Variants in CHST10 observed in about 807,000 individuals in gnomAD.
CHST10 encodes the protein carbohydrate sulfotransferase 10, also known as HNK-1 sulfotransferase.
In CHST10, 24 loss-of-function variants were observed where a neutral mutation model predicts 34.7. The observed-to-expected ratio is 0.69, with a 90% CI of 0.50 to 0.97. CHST10 has a LOEUF of 0.97. Ranked by LOEUF, CHST10 falls within the 50% of genes least tolerant of loss-of-function variation. The pLI is 0.00. For synonymous variants in CHST10, 161 were observed against 169.3 expected (o/e 0.95, Z 0.38); for missense variants, 402 against 452.1 (o/e 0.89, Z 1.00).
Position 100,393,479 on chromosome 2 carries a change from C to T in CHST10, c.837G>A (p.Val279=), listed in dbSNP as rs1339488575. The T allele has an allele frequency of 6.2e-7, 1 of 1,614,134 alleles. No individual in the cohort carries two copies. The change falls in exon 7 of 7, where the codon GTG becomes GTA. Residue 279 remains valine, a synonymous_variant. Coordinates refer to ENST00000264249, the MANE Select transcript of CHST10 (RefSeq NM_004854.5). ...CCTCCAGGGTCTCGTGGTGTCCAAT[C>T]ACACTGTACATTATCTCACAGGGAG... The part of the protein sequence containing the change: ...LCAPCEIMYS[V]IGHHETLEDD...
chr2:100,406,207 TCATGATGA>T (rs1227077828), intron 3 of CHST10, among the ~76,000 whole-genome samples: 3 of 152,142 alleles, frequency 2.0e-5, no homozygotes, highest in African/African-American at 7.2e-5. Flanking sequence ...GCTGCACCTC[TCATGATGA>T]CATGAGGCAA....
At chr2:100,395,357 G>T in intron 6 of CHST10, 152 bp downstream of exon 6, 1 of 592,672 alleles carries the variant, frequency 1.7e-6, no homozygotes, top group Non-Finnish European at 3.0e-6. Flanking sequence ...AATGGGGGGT[G>T]TAGCTTAGCT....
intron 4 of CHST10, among the ~76,000 whole-genome samples, chr2:100,399,909 T>C (rs1372168859): frequency 6.6e-6 from 1 of 152,204 alleles, no homozygotes; most frequent in Non-Finnish European, 1.5e-5. Context: ...CATCAGCGGC[T>C]GCCCGGGCCC....
Position 100,398,146 on chromosome 2 carries a change from C to G in CHST10, c.193-4G>C, listed in dbSNP as rs1479368744. On this transcript the variant is annotated splice_region_variant and splice_polypyrimidine_tract_variant and intron_variant, in intron 4 of 6. Coordinates refer to ENST00000264249, the MANE Select transcript of CHST10 (RefSeq NM_004854.5). ...CTGGAAGCTCCTTCCCAGTTGGCTGCAGGTGACACAGAGCAGAAGAGGCCC... is the reference window on the plus strand; with the variant it reads ...CTGGAAGCTCCTTCCCAGTTGGCTGGAGGTGACACAGAGCAGAAGAGGCCC... 1 of 1,606,790 alleles carries G rather than the reference C, an allele frequency of 6.2e-7. No individual in the cohort carries two copies. The highest frequency in any genetic ancestry group is 8.5e-7 in the Non-Finnish European group (1 of 1,176,318).
Position 100,397,865 on chromosome 2 carries a change from A to G in CHST10, c.427+43T>C. 2.0e-6 allele frequency: 3 copies of G among 1,530,242 alleles called. 1 individual carries two copies. The highest frequency in any genetic ancestry group is 2.7e-6 in the Non-Finnish European group (3 of 1,117,170). The allele number at this position is 1,530,242 out of a possible 1,614,324, so 94.8% of individuals were successfully genotyped here. A position where few individuals can be genotyped will look rare whatever the true frequency, so the allele number is the denominator to read the frequency against. ...CTCCCCAGCCTCCTCAGCACCGGCC[A>G]CCAAGACCCTTCCCAGTGGACATTC... On this transcript the variant is annotated intron_variant, in intron 5 of 6. Transcript: ENST00000264249.
chr2:100,393,733 G>C lies in CHST10; in HGVS notation c.583C>G (p.Leu195Val). 1 of 1,613,198 alleles carries C rather than the reference G, an allele frequency of 6.2e-7. No homozygotes were observed. Among genetic ancestry groups the C allele is most frequent in the East Asian group, 2.2e-5 (1 of 44,890 alleles). ...FFIVRDPFERLISAFKDKFVH... is the reference protein window; with the variant it reads ...FFIVRDPFERVISAFKDKFVH... ...AATTTATCCTTAAATGCAGAAATAAGTCTTTCGAAGGGATCTCTTACAATA... is the reference window on the plus strand; with the variant it reads ...AATTTATCCTTAAATGCAGAAATAACTCTTTCGAAGGGATCTCTTACAATA... Residue 195 changes from leucine to valine, a missense_variant, in exon 7 of 7, where the codon CTT (leucine) becomes GTT (valine). Leu to Val is a conservative substitution (Grantham distance 32). Transcript: ENST00000264249.
In CHST10 at chr2:100,393,572, G is replaced by A. The variant is rs370225437; in HGVS notation, c.744C>T (p.Asn248=). 5.0e-6 allele frequency: 8 copies of A among 1,614,128 alleles called. No homozygotes were observed. Among genetic ancestry groups the A allele is most frequent in the Non-Finnish European group, 6.8e-6 (8 of 1,180,020 alleles). The part of the protein sequence containing the change: ...EDFVRYLGDP[N]HRWLDLQFGD... ...CAAACTGAAGGTCTAGCCATCTGTG[G>A]TTCGGATCGCCGAGGTAGCGCACGA... Residue 248 remains asparagine, a synonymous_variant, in exon 7 of 7, where the codon AAC becomes AAT. Coordinates refer to ENST00000264249, the MANE Select transcript of CHST10 (RefSeq NM_004854.5).
At chr2:100,414,362 T>TCACA (rs370903480) in intron 2 of CHST10, among the ~76,000 whole-genome samples, 5,344 of 150,318 alleles carry the variant, frequency 0.036, 320 homozygotes, top group African/African-American at 0.12. Flanking sequence ...AAAGGAAACT[T>TCACA]CACACACACA....
chr2:100,395,498 G>T lies in CHST10; in HGVS notation c.533+11C>A, dbSNP rs765799376. 6.2e-7 allele frequency: 1 copy of T among 1,609,036 alleles called. No homozygotes were observed. Among genetic ancestry groups the T allele is most frequent in the Non-Finnish European group, 8.5e-7 (1 of 1,175,840 alleles). ...AAACTCCCCCCTCCCCTTTGAGGAA[G>T]CTGTTCTCACCGCTTCTGAATTTCT... On this transcript the variant is annotated intron_variant, in intron 6 of 6. Coordinates refer to ENST00000264249, the MANE Select transcript of CHST10 (RefSeq NM_004854.5).
At chr2:100,400,137 T>C (rs1675270265) in intron 4 of CHST10, among the ~76,000 whole-genome samples, 1 of 152,090 alleles carries the variant, frequency 6.6e-6, no homozygotes, top group South Asian at 2.1e-4. Context: ...CCCAACAAGT[T>C]CCCTTTAGAA....
At chr2:100,405,787 T>C (rs1675544549) in intron 3 of CHST10, among the ~76,000 whole-genome samples, 1 of 152,180 alleles carries the variant, frequency 6.6e-6, no homozygotes, top group Non-Finnish European at 1.5e-5. Flanking sequence ...AATGACTCCA[T>C]GTGTCTGGCT....
intron 2 of CHST10, among the ~76,000 whole-genome samples, chr2:100,411,287 T>A (rs533438661): frequency 1.6e-4 from 24 of 152,182 alleles, no homozygotes; most frequent in African/African-American, 5.1e-4. Context: ...AATTTTTATA[T>A]TTTTAGTAGA....
chr2:100,393,504 G>T lies in CHST10; in HGVS notation c.812C>A (p.Ala271Asp). 6.2e-7 allele frequency: 1 copy of T among 1,614,084 alleles called. No individual in the cohort carries two copies. The highest frequency in any genetic ancestry group is 8.5e-7 in the Non-Finnish European group (1 of 1,180,030). The stretch of plus-strand genomic sequence containing the variant: ...CACACTGTACATTATCTCACAGGGA[G>T]CACAGAGCTCTACATACGTCACCCA... ...IHWVTYVELCAPCEIMYSVIG... is the reference protein window; with the variant it reads ...IHWVTYVELCDPCEIMYSVIG... The change falls in exon 7 of 7, where the codon GCT becomes GAT. Residue 271 changes from alanine (A) to aspartate (D), a missense_variant. Ala to Asp is a moderately radical substitution (Grantham distance 126). Transcript: ENST00000264249.
intron 2 of CHST10, among the ~76,000 whole-genome samples, chr2:100,413,244 A>G (rs1675921379): frequency 6.6e-6 from 1 of 152,208 alleles, no homozygotes; most frequent in African/African-American, 2.4e-5. Flanking sequence ...CAACTCTCAG[A>G]GTGCCTCTAG....
In CHST10 at chr2:100,392,402, C is replaced by T. The variant is rs904159595; in HGVS notation, c.*843G>A. 3.9e-5 allele frequency: 6 copies of T among 152,342 alleles called. No homozygotes were observed. Among genetic ancestry groups the T allele is most frequent in the African/African-American group, 1.4e-4 (6 of 41,464 alleles). The allele number at this position is 152,342 out of a possible 1,614,324, so 9.4% of individuals were successfully genotyped here. On this transcript the variant is annotated 3_prime_UTR_variant, in exon 7 of 7. Transcript: ENST00000264249. Reference sequence around the variant, plus strand: ...AAGTCAGAACTGATGCGCCGGGATCCACAGCAGCCTGAGCTCCAAGCCCAA... The same window carrying T: ...AAGTCAGAACTGATGCGCCGGGATCTACAGCAGCCTGAGCTCCAAGCCCAA...
intron 2 of CHST10, chr2:100,408,001 T>C (rs1410247052): frequency 6.6e-6 from 1 of 152,086 alleles, no homozygotes; most frequent in Admixed American, 6.6e-5. Context: ...GACATACTTA[T>C]ACTCCCCCCC....
intron 2 of CHST10, among the ~76,000 whole-genome samples, chr2:100,412,914 A>C (rs1675904954): frequency 6.6e-6 from 1 of 152,218 alleles, no homozygotes; most frequent in Admixed American, 6.5e-5. Context: ...TGACTTTGGA[A>C]AACAACACAA....
chr2:100,396,946 A>G (rs933298403), intron 5 of CHST10, among the ~76,000 whole-genome samples: 3 of 152,240 alleles, frequency 2.0e-5, no homozygotes, highest in African/African-American at 7.2e-5. Flanking sequence ...ATCACTGCAG[A>G]AGCACATTAA....
intron 3 of CHST10, among the ~76,000 whole-genome samples, chr2:100,404,250 C>T (rs1452875445): frequency 6.6e-6 from 1 of 152,198 alleles, no homozygotes; most frequent in Admixed American, 6.5e-5. Flanking sequence ...TCACTGCACA[C>T]TGTGCGGCCA....
Sources: gnomAD v4.1 joint callset for allele counts (sites outside exome capture counted in the v4.1 genomes callset) on GRCh38, gnomAD v4.1.1 for gene constraint, MANE v1.5 for transcripts, NCBI Gene and HGNC (gene_info 2026-07-23, HGNC 2026-07-21) for gene names.